The following CLVS1 variants were observed in gnomAD, a reference collection of about 807,000 sequenced individuals.
CLVS1 encodes the protein clavesin 1.
In CLVS1, 10 loss-of-function variants were observed where a neutral mutation model predicts 33.1. The observed-to-expected ratio is 0.30, with a 90% CI of 0.19 to 0.51. CLVS1 has a LOEUF of 0.51. Among genes scored for constraint, CLVS1 ranks in the 20% least tolerant of loss-of-function variants. The pLI, the probability that CLVS1 is intolerant of heterozygous loss-of-function variation, is 0.97. For missense variants in CLVS1, 343 were observed against 433.4 expected, an observed-to-expected ratio of 0.79 and a Z score of 1.85; for synonymous variants, 163 against 166.1, an observed-to-expected ratio of 0.98 and a Z score of 0.14.
chr8:61,316,896 A>G (rs1477449419), intron 2 of CLVS1, among the ~76,000 whole-genome samples: 1 of 152,198 alleles, frequency 6.6e-6, no homozygotes, highest in African/African-American at 2.4e-5. Context: ...AAATAAAGAT[A>G]ATAGTATCTA....
chr8:61,242,274 C>T (rs1164699674), intron 2 of CLVS1, among the ~76,000 whole-genome samples: 2 of 152,050 alleles, frequency 1.3e-5, no homozygotes, highest in Non-Finnish European at 2.9e-5. Context: ...TTTGAGACTT[C>T]AGTTATTCAT....
chr8:61,372,113 T>C (rs183094343), intron 2 of CLVS1, among the ~76,000 whole-genome samples: 1 of 152,294 alleles, frequency 6.6e-6, no homozygotes, highest in East Asian at 1.9e-4. Flanking sequence ...CCATTTGTCA[T>C]GTTAGTTCAT....
At chr8:60,976,744 G>T in the CLVS1 span, among the ~76,000 whole-genome samples, 3 of 152,382 alleles carry the variant, frequency 2.0e-5, no homozygotes, top group African/African-American at 7.2e-5. Context: ...GTCTAGCAGT[G>T]GCTACCGCCC....
chr8:61,184,281 G>A (rs531585390), intron 2 of CLVS1, among the ~76,000 whole-genome samples: 1 of 152,352 alleles, frequency 6.6e-6, no homozygotes, highest in South Asian at 2.1e-4. Flanking sequence ...TCTAGGGTAA[G>A]AGGATGGACA....
At chr8:61,216,054 A>G (rs1175592979) in intron 2 of CLVS1, among the ~76,000 whole-genome samples, 1 of 152,160 alleles carries the variant, frequency 6.6e-6, no homozygotes, top group African/African-American at 2.4e-5. Flanking sequence ...GGGAGAAAAT[A>G]TCCGCTTGCC....
chr8:61,246,459 T>G (rs1808812779), intron 2 of CLVS1, among the ~76,000 whole-genome samples: 1 of 151,926 alleles, frequency 6.6e-6, no homozygotes, highest in South Asian at 2.1e-4. Flanking sequence ...TGTGAGCCAC[T>G]GCACCAGGCC....
the CLVS1 span, among the ~76,000 whole-genome samples, chr8:61,020,505 G>A: frequency 6.6e-6 from 1 of 152,188 alleles, no homozygotes; most frequent in African/African-American, 2.4e-5. Context: ...TTAGCATGCA[G>A]CCAACTCCAA....
chr8:61,132,367 G>A (rs192967684), intron 2 of CLVS1, among the ~76,000 whole-genome samples: 48 of 152,290 alleles, frequency 3.2e-4, no homozygotes, highest in East Asian at 2.5e-3. Context: ...CAGGCCTGGC[G>A]GGAAAGGCTT....
intron 1 of CLVS1, among the ~76,000 whole-genome samples, chr8:61,079,207 C>T (rs1372318181): frequency 6.6e-6 from 1 of 152,118 alleles, no homozygotes; most frequent in African/African-American, 2.4e-5. Flanking sequence ...AAAAACAAAG[C>T]AAAACAAAAC....
Position 61,196,809 on chromosome 8 carries a change from G to A in CLVS1, c.-152+64949G>A, listed in dbSNP as rs187814611. ...CTTCATAAATTTTATTTAGGCATGTGGCCATCTAACTAGAGAACATGTTTC... is the reference window on the plus strand; with the variant it reads ...CTTCATAAATTTTATTTAGGCATGTAGCCATCTAACTAGAGAACATGTTTC... On this transcript the variant is annotated intron_variant, in intron 2 of 2. Transcript: ENST00000522621. Among the ~76,000 whole-genome samples the A allele has an allele frequency of 3.8e-3, 582 of 152,290 alleles. 5 individuals are homozygous for A. The highest frequency in any genetic ancestry group is 0.013 in the African/African-American group (532 of 41,566).
chr8:61,328,783 T>C (rs1487998557), intron 2 of CLVS1, among the ~76,000 whole-genome samples: 2 of 152,172 alleles, frequency 1.3e-5, no homozygotes, highest in Non-Finnish European at 2.9e-5. Flanking sequence ...AAGCAAAGAT[T>C]TGTCTTTTGT....
chr8:61,393,193 T>C lies in CLVS1; in HGVS notation c.630+16414T>C, dbSNP rs377566578. Among the ~76,000 whole-genome samples the C allele has an allele frequency of 2.0e-3, 312 of 152,308 alleles. 1 individual carries two copies. Among genetic ancestry groups the C allele is most frequent in the African/African-American group, 6.8e-3 (283 of 41,574 alleles). On this transcript the variant is annotated intron_variant, in intron 3 of 5. Transcript: ENST00000325897. ...CACCACACCCGGCTGAATTCTATTGTTGAAACTTTCGAGTGTATTTTGTAT... is the reference window on the plus strand; with the variant it reads ...CACCACACCCGGCTGAATTCTATTGCTGAAACTTTCGAGTGTATTTTGTAT...
chr8:61,145,380 TA>T (rs1441322440), intron 2 of CLVS1, among the ~76,000 whole-genome samples: 1 of 152,216 alleles, frequency 6.6e-6, no homozygotes. Flanking sequence ...TACACTGAAA[TA>T]AAAACGTTGG....
At chr8:61,483,119 CA>C (rs1321811319) in intron 5 of CLVS1, among the ~76,000 whole-genome samples, 1 of 152,054 alleles carries the variant, frequency 6.6e-6, no homozygotes, top group Non-Finnish European at 1.5e-5. Context: ...GATAGAGACA[CA>C]AAAGATCCTT....
chr8:61,133,054 T>C (rs1806129356), intron 2 of CLVS1, among the ~76,000 whole-genome samples: 1 of 152,142 alleles, frequency 6.6e-6, no homozygotes. Flanking sequence ...CTGAGTCCTA[T>C]AGCAACCAGC....
At chr8:61,050,614 G>A in the CLVS1 span, among the ~76,000 whole-genome samples, 1 of 150,502 alleles carries the variant, frequency 6.6e-6, no homozygotes, top group Admixed American at 6.6e-5. Flanking sequence ...CATGCATAGA[G>A]AGGGCTGACC....
intron 5 of CLVS1, among the ~76,000 whole-genome samples, chr8:61,494,818 A>G (rs1258894287): frequency 6.6e-6 from 1 of 152,252 alleles, no homozygotes; most frequent in Non-Finnish European, 1.5e-5. Flanking sequence ...TGAATTTAAA[A>G]TACTTCATAA....
At chr8:61,489,119 A>G (rs1042862233) in intron 5 of CLVS1, among the ~76,000 whole-genome samples, 1 of 152,220 alleles carries the variant, frequency 6.6e-6, no homozygotes, top group Non-Finnish European at 1.5e-5. Context: ...CATTCTTAGA[A>G]AACTTTTTTC....
Position 61,460,619 on chromosome 8 carries a change from C to G in CLVS1, c.977+2077C>G, listed in dbSNP as rs147659403. ...GGAACATTGTCATGGTGCAGAAGGA[C>G]TCTCTGGGAAAGATTTCCCAGGAAT... On this transcript the variant is annotated intron_variant, in intron 5 of 5. Transcript: ENST00000325897. Among the ~76,000 whole-genome samples the G allele has an allele frequency of 2.7e-3, 417 of 152,328 alleles. 2 individuals are homozygous for G. The highest frequency in any genetic ancestry group is 4.2e-3 in the Non-Finnish European group (287 of 68,030).
Sources: gnomAD v4.1 joint callset for allele counts (sites outside exome capture counted in the v4.1 genomes callset) on GRCh38, gnomAD v4.1.1 for gene constraint, MANE v1.5 for transcripts, NCBI Gene and HGNC (gene_info 2026-07-23, HGNC 2026-07-21) for gene names.